CTNNA3: variants seen among roughly 807,000 people sequenced by gnomAD.
The protein encoded by CTNNA3 is catenin alpha-3.
A neutral mutation model predicts 95.7 loss-of-function variants in CTNNA3; 76 were observed. That is an observed-to-expected ratio of 0.79 (90% CI 0.66 to 0.96). The LOEUF (loss-of-function observed/expected upper bound fraction) is 0.96. CTNNA3 is among the 40% of genes least tolerant of loss of function. CTNNA3 has a pLI of 0.00. For synonymous variants in CTNNA3, 431 were observed against 374.4 expected, an observed-to-expected ratio of 1.15 and a Z score of -1.74; for missense variants, 1,191 against 1,089.8, an observed-to-expected ratio of 1.09 and a Z score of -1.31.
intron 7 of CTNNA3, among the ~76,000 whole-genome samples, chr10:66,794,781 T>C (rs1242430008): frequency 6.6e-6 from 1 of 152,166 alleles, no homozygotes; most frequent in Non-Finnish European, 1.5e-5. Context: ...TCTCAAACCA[T>C]GTGTCTGCTT....
chr10:66,656,411 A>AT (rs1004419398), intron 9 of CTNNA3, among the ~76,000 whole-genome samples: 6 of 152,128 alleles, frequency 3.9e-5, no homozygotes, highest in African/African-American at 1.4e-4. Flanking sequence ...GGAAAGAATG[A>AT]TTTTTGTAGC....
At chr10:67,580,203 C>A (rs1472377068) in intron 3 of CTNNA3, among the ~76,000 whole-genome samples, 1 of 152,162 alleles carries the variant, frequency 6.6e-6, no homozygotes, top group African/African-American at 2.4e-5. Context: ...ACATTTAAAT[C>A]TTTAATCCAT....
chr10:67,050,187 G>T (rs1439325969), intron 7 of CTNNA3, among the ~76,000 whole-genome samples: 1 of 152,186 alleles, frequency 6.6e-6, no homozygotes, highest in Non-Finnish European at 1.5e-5. Flanking sequence ...TGTAGAACAT[G>T]CCCTGAAGAA....
intron 7 of CTNNA3, among the ~76,000 whole-genome samples, chr10:66,803,960 G>GT (rs199784517): frequency 0.075 from 10,136 of 134,982 alleles, 927 homozygotes; most frequent in African/African-American, 0.23. Context: ...GATGCCAGTT[G>GT]TTTTTTTTTT....
intron 12 of CTNNA3, among the ~76,000 whole-genome samples, chr10:66,309,855 C>T (rs1464198477): frequency 6.7e-6 from 1 of 149,296 alleles, no homozygotes; most frequent in Non-Finnish European, 1.5e-5. Flanking sequence ...GTCAGGAGTT[C>T]GAGACCAGCC....
rs1353175242 is a variant in CTNNA3 at position 66,448,522 on chromosome 10, T to C, written c.1532-69170A>G. ...ATAAAAAATGATGAGTTCATGTCCT[T>C]TGTAGGGACATGGATGAAACTGGAA... On this transcript the variant is annotated intron_variant, in intron 11 of 17. Transcript: ENST00000433211. Among the ~76,000 whole-genome samples the C allele has an allele frequency of 2.6e-5, 4 of 152,270 alleles. No homozygotes were observed. In the East Asian group the frequency reaches 7.7e-4, roughly 29 times the overall value.
intron 6 of CTNNA3, among the ~76,000 whole-genome samples, chr10:67,216,892 A>T (rs1864392072): frequency 6.6e-6 from 1 of 152,172 alleles, no homozygotes; most frequent in Non-Finnish European, 1.5e-5. Context: ...ACAATTCAGC[A>T]CTTCTCAGCT....
chr10:66,429,938 A>C (rs2093279530), intron 11 of CTNNA3, among the ~76,000 whole-genome samples: 2 of 150,796 alleles, frequency 1.3e-5, no homozygotes, highest in Admixed American at 1.3e-4. Context: ...AAGGGTATTC[A>C]ATTAGGAAAA....
chr10:66,134,457 T>C (rs1182087780), intron 13 of CTNNA3, among the ~76,000 whole-genome samples: 2 of 152,142 alleles, frequency 1.3e-5, no homozygotes, highest in East Asian at 3.8e-4. Context: ...TGGTTTACTA[T>C]GTAGTACTAA....
chr10:67,671,206 C>T (rs1840425396), intron 1 of CTNNA3, among the ~76,000 whole-genome samples: 1 of 152,128 alleles, frequency 6.6e-6, no homozygotes. Flanking sequence ...AAAAGGACAT[C>T]AGCATCCTTG....
intron 5 of CTNNA3, among the ~76,000 whole-genome samples, chr10:67,309,480 A>C (rs1485409752): frequency 6.6e-6 from 1 of 152,194 alleles, no homozygotes; most frequent in Non-Finnish European, 1.5e-5. Context: ...GACATGGATG[A>C]GAAGCCTGGG....
At chr10:66,875,705 G>T (rs1844590678) in intron 7 of CTNNA3, among the ~76,000 whole-genome samples, 1 of 152,256 alleles carries the variant, frequency 6.6e-6, no homozygotes, top group Non-Finnish European at 1.5e-5. Flanking sequence ...TGTCATTTGA[G>T]ATATTATTCT....
At chr10:67,024,428 G>C (rs1853225024) in intron 7 of CTNNA3, among the ~76,000 whole-genome samples, 1 of 152,108 alleles carries the variant, frequency 6.6e-6, no homozygotes, top group Admixed American at 6.6e-5. Flanking sequence ...ATCCTTAATT[G>C]TTCTGCAAAA....
chr10:67,725,419 C>T (rs1301145980), intron 1 of CTNNA3, among the ~76,000 whole-genome samples: 2 of 152,054 alleles, frequency 1.3e-5, no homozygotes, highest in Non-Finnish European at 2.9e-5. Flanking sequence ...CCTCGTGATT[C>T]GCCCACCTCG....
chr10:66,790,925 C>T (rs1217461523), intron 7 of CTNNA3, among the ~76,000 whole-genome samples: 1 of 152,118 alleles, frequency 6.6e-6, no homozygotes, highest in Non-Finnish European at 1.5e-5. Context: ...ACATCAAAAC[C>T]TCTTATTTAC....
intron 14 of CTNNA3, among the ~76,000 whole-genome samples, chr10:66,094,872 T>C (rs973279287): frequency 6.6e-6 from 1 of 152,076 alleles, no homozygotes; most frequent in Non-Finnish European, 1.5e-5. Context: ...GTTCAGAAAA[T>C]ACTTAGAAGA....
intron 5 of CTNNA3, among the ~76,000 whole-genome samples, chr10:67,245,355 C>CTAT (rs1177428059): frequency 6.6e-6 from 1 of 152,164 alleles, no homozygotes; most frequent in African/African-American, 2.4e-5. Context: ...TTTCTCTGTA[C>CTAT]TATTTGTCAC....
chr10:66,666,188 GACTGTCT>G (rs1300553823), intron 9 of CTNNA3, among the ~76,000 whole-genome samples: 3 of 152,148 alleles, frequency 2.0e-5, no homozygotes, highest in Admixed American at 1.3e-4. Context: ...TCCTAAGCCA[GACTGTCT>G]ACTTTGGAGT....
chr10:66,396,817 A>G (rs2092981759), intron 11 of CTNNA3, among the ~76,000 whole-genome samples: 1 of 151,942 alleles, frequency 6.6e-6, no homozygotes, highest in Non-Finnish European at 1.5e-5. Context: ...ATGTCAAAAT[A>G]AAATTTAAAC....
Sources: allele counts gnomAD v4.1 joint callset (sites outside exome capture counted in the v4.1 genomes callset), GRCh38; gene constraint gnomAD v4.1.1; transcripts MANE v1.5; gene names NCBI Gene and HGNC (gene_info 2026-07-23, HGNC 2026-07-21).